The following LRMDA variants were observed in gnomAD, a reference collection of about 807,000 sequenced individuals.
LRMDA encodes the protein leucine-rich melanocyte differentiation-associated protein.
In LRMDA, 18 loss-of-function variants were observed where a neutral mutation model predicts 29.8. The observed-to-expected ratio is 0.60, with a 90% CI of 0.42 to 0.90. The LOEUF (loss-of-function observed/expected upper bound fraction) is 0.90, where lower values mean the gene tolerates loss of function less well. Among genes scored for constraint, LRMDA ranks in the 40% least tolerant of loss-of-function variants. The pLI is 0.00. For synonymous variants in LRMDA, 125 were observed against 109.4 expected, an observed-to-expected ratio of 1.14 and a Z score of -0.89; for missense variants, 273 against 273.9, an observed-to-expected ratio of 1.00 and a Z score of 0.02.
chr10:75,570,694 T>C lies in LRMDA; in HGVS notation c.131+132200T>C, dbSNP rs545269965. 3.5e-4 allele frequency among the ~76,000 whole-genome samples: 54 copies of C among 152,322 alleles called. No homozygotes were observed. In the South Asian group the frequency reaches 0.011, roughly 30 times the overall value. Reference sequence around the variant, plus strand: ...AGCAATCTGAGAACTGCTGAATTAATGTATACGCTCTTTTTCCCAGGGCAG... The same window carrying C: ...AGCAATCTGAGAACTGCTGAATTAACGTATACGCTCTTTTTCCCAGGGCAG... On this transcript the variant is annotated intron_variant, in intron 2 of 6. Coordinates refer to ENST00000611255, the MANE Select transcript of LRMDA (RefSeq NM_001305581.2).
At chr10:76,516,330 A>C (rs1843060649) in intron 6 of LRMDA, among the ~76,000 whole-genome samples, 1 of 144,328 alleles carries the variant, frequency 6.9e-6, no homozygotes, top group Admixed American at 7.1e-5. Flanking sequence ...GAAAGCAATA[A>C]GTTTTTTTTA....
intron 5 of LRMDA, among the ~76,000 whole-genome samples, chr10:76,240,976 C>T (rs561971229): frequency 2.0e-5 from 3 of 151,706 alleles, no homozygotes; most frequent in African/African-American, 7.3e-5. Flanking sequence ...CTGGATGGAA[C>T]TGGAGACCAT....
chr10:75,594,930 C>A (rs1044839671), intron 2 of LRMDA, among the ~76,000 whole-genome samples: 1 of 152,018 alleles, frequency 6.6e-6, no homozygotes, highest in Admixed American at 6.5e-5. Context: ...TGCATATGTT[C>A]ACTATATATT....
intron 2 of LRMDA, among the ~76,000 whole-genome samples, chr10:75,553,598 C>T (rs1466829831): frequency 6.6e-6 from 1 of 152,096 alleles, no homozygotes; most frequent in East Asian, 1.9e-4. Flanking sequence ...TTCTGTCCCT[C>T]CTCCAGGGCA....
intron 2 of LRMDA, among the ~76,000 whole-genome samples, chr10:75,721,354 T>A (rs915903017): frequency 6.6e-6 from 1 of 152,218 alleles, no homozygotes; most frequent in Non-Finnish European, 1.5e-5. Context: ...TATACGTACA[T>A]TATAAGCATA....
intron 5 of LRMDA, among the ~76,000 whole-genome samples, chr10:76,127,584 T>TC (rs201022976): frequency 3.5e-5 from 5 of 144,620 alleles, no homozygotes; most frequent in Non-Finnish European, 7.6e-5. Flanking sequence ...TTTTTTTTTT[T>TC]CATGAAAACT....
intron 6 of LRMDA, among the ~76,000 whole-genome samples, chr10:76,439,795 A>G (rs760293603): frequency 2.0e-5 from 3 of 152,198 alleles, no homozygotes; most frequent in Non-Finnish European, 4.4e-5. Flanking sequence ...TGGGTGGGGA[A>G]TATCTTTTGG....
chr10:75,449,651 C>G (rs574242686), intron 2 of LRMDA, among the ~76,000 whole-genome samples: 1 of 152,118 alleles, frequency 6.6e-6, no homozygotes, highest in African/African-American at 2.4e-5. Context: ...GCATTTCCTG[C>G]TCTCTCCCAT....
rs367704674 is a variant in LRMDA at position 76,058,705 on chromosome 10, G to A, written c.438G>A (p.Leu146=). Reference sequence around the variant, plus strand: ...ACAAGCTGCCCAACTTGAAATTTCTGGATGCCCAGAAAGTAACCAGACAAG... The same window carrying A: ...ACAAGCTGCCCAACTTGAAATTTCTAGATGCCCAGAAAGTAACCAGACAAG... The part of the protein sequence containing the change: ...VLYKLPNLKF[L]DAQKVTRQER... The change falls in exon 5 of 7, where the codon CTG becomes CTA. Residue 146 remains leucine, a synonymous_variant. Transcript: ENST00000611255. 2.0e-5 allele frequency: 32 copies of A among 1,614,034 alleles called. No individual in the cohort carries two copies. In the Admixed American group the frequency reaches 3.3e-4, roughly 17 times the overall value.
At chr10:75,506,304 C>T in intron 2 of LRMDA, among the ~76,000 whole-genome samples, 1 of 152,130 alleles carries the variant, frequency 6.6e-6, no homozygotes, top group African/African-American at 2.4e-5. Context: ...ACATTTGTTC[C>T]ACTTCCTGCC....
intron 6 of LRMDA, among the ~76,000 whole-genome samples, chr10:76,433,041 C>T (rs562565718): frequency 5.5e-4 from 84 of 152,276 alleles, no homozygotes; most frequent in African/African-American, 2.0e-3. Context: ...AGTGGAGCCA[C>T]ATTGAACTCA....
intron 2 of LRMDA, among the ~76,000 whole-genome samples, chr10:76,009,457 C>T (rs992227947): frequency 1.3e-5 from 2 of 152,172 alleles, no homozygotes; most frequent in Non-Finnish European, 2.9e-5. Flanking sequence ...AGCTAGGGGG[C>T]CCCTAAAAAA....
chr10:75,493,354 T>TGTGTGC (rs1845009582), intron 2 of LRMDA, among the ~76,000 whole-genome samples: 1 of 147,646 alleles, frequency 6.8e-6, no homozygotes, highest in African/African-American at 2.6e-5. Context: ...ATTGGGTGTG[T>TGTGTGC]GTGTGTGTGT....
At chr10:75,841,466 C>T (rs994713587) in intron 2 of LRMDA, among the ~76,000 whole-genome samples, 1 of 152,218 alleles carries the variant, frequency 6.6e-6, no homozygotes, top group Non-Finnish European at 1.5e-5. Flanking sequence ...CCTTGAGAGC[C>T]CTGCTGTTCC....
At chr10:76,401,398 T>C (rs1304208584) in intron 6 of LRMDA, among the ~76,000 whole-genome samples, 1 of 152,240 alleles carries the variant, frequency 6.6e-6, no homozygotes, top group Non-Finnish European at 1.5e-5. Flanking sequence ...GCATCATGCT[T>C]AGAAAGGGAC....
At chr10:75,958,478 A>G (rs576562048) in intron 2 of LRMDA, among the ~76,000 whole-genome samples, 1 of 152,168 alleles carries the variant, frequency 6.6e-6, no homozygotes, top group Non-Finnish European at 1.5e-5. Flanking sequence ...TGGTTTTGGC[A>G]TATCATTTTA....
intron 5 of LRMDA, among the ~76,000 whole-genome samples, chr10:76,295,361 G>T (rs1840398851): frequency 6.6e-6 from 1 of 152,178 alleles, no homozygotes. Flanking sequence ...CTTGCAGGAT[G>T]CAAGGACTCA....
intron 2 of LRMDA, among the ~76,000 whole-genome samples, chr10:75,891,052 C>A (rs954569291): frequency 6.6e-6 from 1 of 151,812 alleles, no homozygotes; most frequent in Non-Finnish European, 1.5e-5. Context: ...TTGCAGTGAG[C>A]CAAGATCGCA....
chr10:75,916,670 A>C (rs1236164616), intron 2 of LRMDA, among the ~76,000 whole-genome samples: 1 of 152,200 alleles, frequency 6.6e-6, no homozygotes, highest in African/African-American at 2.4e-5. Context: ...GTGGCTTATA[A>C]ATAATGGCAA....
Sources: allele counts gnomAD v4.1 joint callset (sites outside exome capture counted in the v4.1 genomes callset), GRCh38; gene constraint gnomAD v4.1.1; transcripts MANE v1.5; gene names NCBI Gene and HGNC (gene_info 2026-07-23, HGNC 2026-07-21).